EFR3A: variants seen among roughly 807,000 people sequenced by gnomAD.
EFR3A encodes the protein protein EFR3 homolog A.
EFR3A carries 76 observed loss-of-function variants against 104.4 expected under a neutral mutation model. That is an observed-to-expected ratio of 0.73 (90% CI 0.60 to 0.88). EFR3A has a LOEUF of 0.88. EFR3A is among the 40% of genes least tolerant of loss of function. The pLI is 0.00. For missense variants in EFR3A, 985 were observed against 1,012.5 expected (o/e 0.97, Z 0.37); for synonymous variants, 330 against 330.0 (o/e 1.00, Z 0.00).
At chr8:131,920,419 G>C (rs1816948052) in intron 1 of EFR3A, among the ~76,000 whole-genome samples, 1 of 152,136 alleles carries the variant, frequency 6.6e-6, no homozygotes, top group Non-Finnish European at 1.5e-5. Flanking sequence ...AGCATAAAAG[G>C]CTTCTTTTTT....
intron 1 of EFR3A, chr8:131,935,652 T>C (rs145064022): frequency 4.2e-6 from 1 of 240,294 alleles, no homozygotes; most frequent in African/African-American, 2.3e-5. Context: ...TTCAAAGCCA[T>C]ACAGTCAGTT....
chr8:131,976,177 G>C (rs373111841), intron 11 of EFR3A, 36 bp downstream of exon 11: 1 of 1,310,888 alleles, frequency 7.6e-7, no homozygotes, highest in Non-Finnish European at 1.1e-6. Flanking sequence ...ACTTAATCTT[G>C]AGTTACATTT....
chr8:131,935,151 T>A (rs1423222052), intron 1 of EFR3A, among the ~76,000 whole-genome samples: 2 of 152,178 alleles, frequency 1.3e-5, no homozygotes, highest in Non-Finnish European at 2.9e-5. Flanking sequence ...TCATTTGACA[T>A]TGTCATCTGT....
intron 1 of EFR3A, among the ~76,000 whole-genome samples, chr8:131,934,109 C>T (rs1817752224): frequency 1.3e-5 from 2 of 152,132 alleles, no homozygotes; most frequent in South Asian, 4.1e-4. Context: ...AAAAGGAACA[C>T]TTTTCTGAAG....
chr8:131,934,656 A>T (rs368762193), intron 1 of EFR3A, among the ~76,000 whole-genome samples: 6 of 152,126 alleles, frequency 3.9e-5, no homozygotes, highest in Admixed American at 1.3e-4. Context: ...TATATATATA[A>T]AAATACAGAA....
intron 7 of EFR3A, among the ~76,000 whole-genome samples, chr8:131,958,180 T>C (rs1365278278): frequency 1.3e-5 from 2 of 152,182 alleles, no homozygotes; most frequent in South Asian, 2.1e-4. Flanking sequence ...TCTTAGGAGA[T>C]AAATATTGTA....
chr8:131,919,882 A>G (rs974302848), intron 1 of EFR3A, among the ~76,000 whole-genome samples: 8 of 150,606 alleles, frequency 5.3e-5, no homozygotes, highest in Non-Finnish European at 7.4e-5. Flanking sequence ...ATATGTATAT[A>G]TATATTATAT....
At chr8:131,909,275 G>T (rs1816396211) in intron 1 of EFR3A, among the ~76,000 whole-genome samples, 1 of 152,168 alleles carries the variant, frequency 6.6e-6, no homozygotes, top group Non-Finnish European at 1.5e-5. Flanking sequence ...ATTTGGCCAG[G>T]TGCAGTGGCT....
intron 8 of EFR3A, among the ~76,000 whole-genome samples, chr8:131,964,492 A>T (rs1284703988): frequency 1.3e-5 from 2 of 152,076 alleles, no homozygotes; most frequent in African/African-American, 4.8e-5. Context: ...AGAGAATAAA[A>T]TACCTAGGAA....
intron 1 of EFR3A, among the ~76,000 whole-genome samples, chr8:131,935,174 T>G (rs1273484848): frequency 6.6e-6 from 1 of 152,198 alleles, no homozygotes; most frequent in African/African-American, 2.4e-5. Flanking sequence ...GTTGGAAAAA[T>G]CATATCATTC....
At position 131,974,398 on chromosome 8, in the gene EFR3A, T is replaced by A. The variant is rs141869362; in HGVS notation, c.1160-1629T>A. 5.7e-3 allele frequency among the ~76,000 whole-genome samples: 873 copies of A among 152,304 alleles called. 10 individuals are homozygous for A. The highest frequency in any genetic ancestry group is 0.02 in the African/African-American group (811 of 41,572). On this transcript the variant is annotated intron_variant, in intron 10 of 22. Transcript: ENST00000254624. ...GTGGTAAAGAGAAGTGCAGGGTACTTTATGTCCTTGTGGTAATAACTAAGT... is the reference window on the plus strand; with the variant it reads ...GTGGTAAAGAGAAGTGCAGGGTACTATATGTCCTTGTGGTAATAACTAAGT...
At chr8:131,947,900 C>G (rs1337949859) in intron 4 of EFR3A, among the ~76,000 whole-genome samples, 1 of 152,060 alleles carries the variant, frequency 6.6e-6, no homozygotes, top group Non-Finnish European at 1.5e-5. Flanking sequence ...TGCTTCTGAA[C>G]TATTTCTGCT....
At chr8:131,931,845 C>CT (rs1188988687) in intron 1 of EFR3A, among the ~76,000 whole-genome samples, 1 of 151,936 alleles carries the variant, frequency 6.6e-6, no homozygotes, top group African/African-American at 2.4e-5. Context: ...TGCTGCTTTT[C>CT]TTCATTTTGC....
At chr8:131,963,711 A>G (rs1222818752) in intron 8 of EFR3A, among the ~76,000 whole-genome samples, 1 of 152,168 alleles carries the variant, frequency 6.6e-6, no homozygotes, top group Non-Finnish European at 1.5e-5. Flanking sequence ...ATCCTCCCTA[A>G]CTCATTTTAT....
chr8:131,977,788 C>T (rs1055578868), intron 12 of EFR3A, among the ~76,000 whole-genome samples: 1 of 151,894 alleles, frequency 6.6e-6, no homozygotes, highest in Non-Finnish European at 1.5e-5. Flanking sequence ...CTGTTTATGG[C>T]GCTTGTCATT....
At chr8:131,925,591 G>A (rs1463139365) in intron 1 of EFR3A, among the ~76,000 whole-genome samples, 1 of 152,008 alleles carries the variant, frequency 6.6e-6, no homozygotes, top group Non-Finnish European at 1.5e-5. Flanking sequence ...AAATATACTG[G>A]CTTCTGCAAA....
intron 1 of EFR3A, among the ~76,000 whole-genome samples, chr8:131,928,703 C>T (rs557850195): frequency 7.2e-5 from 11 of 152,200 alleles, no homozygotes; most frequent in Middle Eastern, 6.8e-3. Flanking sequence ...TTTAGTCCAT[C>T]TTGAAATTTT....
chr8:131,994,248 A>AG (rs1300828402), intron 18 of EFR3A, among the ~76,000 whole-genome samples: 1 of 151,812 alleles, frequency 6.6e-6, no homozygotes, highest in Non-Finnish European at 1.5e-5. Context: ...TGTCTCAGGA[A>AG]GAAAAAAAAA....
At chr8:131,938,490 C>T (rs1818014757) in intron 1 of EFR3A, among the ~76,000 whole-genome samples, 1 of 151,912 alleles carries the variant, frequency 6.6e-6, no homozygotes, top group African/African-American at 2.4e-5. Flanking sequence ...AAAATTTTAA[C>T]CTATATGCCT....
Sources: allele counts gnomAD v4.1 joint callset (sites outside exome capture counted in the v4.1 genomes callset), GRCh38; gene constraint gnomAD v4.1.1; transcripts MANE v1.5; gene names NCBI Gene and HGNC (gene_info 2026-07-23, HGNC 2026-07-21).